PIWIL4: variants seen among roughly 807,000 people sequenced by gnomAD.
PIWIL4 encodes piwi like RNA-mediated gene silencing 4.
PIWIL4 carries 50 observed loss-of-function variants against 100.9 expected under a neutral mutation model. The ratio of observed to expected loss-of-function variants is 0.50; its 90% confidence interval spans 0.39 to 0.63. PIWIL4 has a LOEUF of 0.63. Ranked by LOEUF, PIWIL4 falls within the 20% of genes least tolerant of loss-of-function variation. The pLI is 0.00. For synonymous variants in PIWIL4, 342 were observed against 367.5 expected (o/e 0.93, Z 0.79); for missense variants, 887 against 1,043.3 (o/e 0.85, Z 2.06).
chr11:94,576,380 C>G (rs1023339746), intron 3 of PIWIL4, among the ~76,000 whole-genome samples: 2 of 152,154 alleles, frequency 1.3e-5, no homozygotes, highest in African/African-American at 4.8e-5. Flanking sequence ...GCAATCCACC[C>G]GCCTTGGCCT....
At chr11:94,610,019 C>T (rs1348558115) in intron 15 of PIWIL4, among the ~76,000 whole-genome samples, 1 of 152,118 alleles carries the variant, frequency 6.6e-6, no homozygotes, top group Non-Finnish European at 1.5e-5. Context: ...TTGTACCCTT[C>T]AAACAACATC....
In PIWIL4 at chr11:94,585,372, G is replaced by GT. The variant is rs1236076297; in HGVS notation, c.636-72dup. ...CTATATATTTTTAACATTATGTTCA[G>GT]TAAGGGTTTGAACTTAGAATTACAC... On this transcript the variant is annotated intron_variant, in intron 5 of 19. Coordinates refer to ENST00000299001, the MANE Select transcript of PIWIL4 (RefSeq NM_152431.3). 3.9e-6 allele frequency: 4 copies of GT among 1,032,840 alleles called. No individual in the cohort carries two copies. The African/African-American group carries it at 6.5e-5, about 17-fold the overall frequency. 64.0% of individuals were successfully genotyped at this position (1,032,840 alleles called of 1,614,324 possible).
chr11:94,594,476 GGA>G (rs1948529578), intron 9 of PIWIL4, among the ~76,000 whole-genome samples: 1 of 144,578 alleles, frequency 6.9e-6, no homozygotes. Flanking sequence ...CAAAAAAAAA[GGA>G]AAAGAAAGAA....
At chr11:94,571,780 T>C (rs370601986) in intron 2 of PIWIL4, among the ~76,000 whole-genome samples, 115 of 152,356 alleles carry the variant, frequency 7.5e-4, no homozygotes, top group African/African-American at 2.7e-3. Flanking sequence ...GCATGACTTA[T>C]AATCTTTTGG....
chr11:94,581,427 TG>T (rs1948316063), intron 4 of PIWIL4, among the ~76,000 whole-genome samples: 1 of 152,160 alleles, frequency 6.6e-6, no homozygotes, highest in Non-Finnish European at 1.5e-5. Flanking sequence ...CATGCAATGA[TG>T]GGAAGTGAGG....
chr11:94,575,190 A>T lies in PIWIL4; in HGVS notation c.298+60A>T, dbSNP rs932587591. On this transcript the variant is annotated intron_variant, in intron 3 of 19. Coordinates refer to ENST00000299001, the MANE Select transcript of PIWIL4 (RefSeq NM_152431.3). ...TACCAAATCTTGCTTAAGGACTTCC[A>T]AATTCTAGGTCTAAAATAAATAAGT... 7.8e-6 allele frequency: 11 copies of T among 1,410,826 alleles called. No individual in the cohort carries two copies. The African/African-American group carries it at 1.6e-4, about 20-fold the overall frequency. The allele number at this position is 1,410,826 out of a possible 1,614,324, so 87.4% of individuals were successfully genotyped here. A position where few individuals can be genotyped will look rare whatever the true frequency, so the allele number is the denominator to read the frequency against.
At chr11:94,575,491 C>T (rs1027212232) in intron 3 of PIWIL4, among the ~76,000 whole-genome samples, 1 of 152,138 alleles carries the variant, frequency 6.6e-6, no homozygotes. Flanking sequence ...TACCCAGATT[C>T]CAGGCTCACC....
chr11:94,597,995 G>C, intron 11 of PIWIL4, 80 bp downstream of exon 11: 1 of 1,060,574 alleles, frequency 9.4e-7, no homozygotes, highest in South Asian at 1.4e-5. Context: ...AGAGTGGCTT[G>C]TGTGCTTATA....
At chr11:94,608,555 T>C (rs1948750763) in intron 14 of PIWIL4, 28 bp from the exon 15 acceptor site, 1 of 1,593,416 alleles carries the variant, frequency 6.3e-7, no homozygotes, top group East Asian at 2.2e-5. Flanking sequence ...CCTCATCCCA[T>C]TAAATCATGA....
chr11:94,578,146 C>T (rs767027781), intron 4 of PIWIL4, among the ~76,000 whole-genome samples: 1 of 152,150 alleles, frequency 6.6e-6, no homozygotes, highest in Non-Finnish European at 1.5e-5. Flanking sequence ...ACCACTTCCA[C>T]CTCTCGGTAG....
chr11:94,602,271 G>A (rs950136599), intron 12 of PIWIL4, among the ~76,000 whole-genome samples: 1 of 152,042 alleles, frequency 6.6e-6, no homozygotes, highest in African/African-American at 2.4e-5. Context: ...TCCATATATT[G>A]TCTTCTCAAC....
intron 10 of PIWIL4, 127 bp downstream of exon 10, chr11:94,595,553 T>C (rs1948546021): frequency 1.3e-6 from 1 of 788,246 alleles, no homozygotes. Context: ...AGCTTTTGAA[T>C]TGTGCTGTCC....
In PIWIL4 at chr11:94,608,356, G is replaced by A. The variant is rs1014210771; in HGVS notation, c.1840-227G>A. 16 of 436,998 alleles carry A rather than the reference G, an allele frequency of 3.7e-5. No individual in the cohort carries two copies. The East Asian group carries it at 4.7e-4, about 13-fold the overall frequency. 27.1% of individuals were successfully genotyped at this position (436,998 alleles called of 1,614,324 possible). A position where few individuals can be genotyped will look rare whatever the true frequency, so the allele number is the denominator to read the frequency against. ...ACAAAGGATGATGGTTATCTTGGAC[G>A]GTAGTGTTTCTCTTAAGATAAGTGT... On this transcript the variant is annotated intron_variant, in intron 14 of 19. Coordinates refer to ENST00000299001, the MANE Select transcript of PIWIL4 (RefSeq NM_152431.3).
intron 6 of PIWIL4, among the ~76,000 whole-genome samples, chr11:94,586,107 G>A (rs1391836446): frequency 6.6e-6 from 1 of 151,924 alleles, no homozygotes; most frequent in African/African-American, 2.4e-5. Context: ...ATAAAAGATA[G>A]AAAATGGGAG....
chr11:94,616,604 T>C (rs746563476), intron 16 of PIWIL4, 41 bp downstream of exon 16: 6 of 1,484,100 alleles, frequency 4.0e-6, no homozygotes, highest in Non-Finnish European at 5.6e-6. Flanking sequence ...CCAAGGACTG[T>C]TCCTTCAGAC....
At chr11:94,604,759 T>G (rs1948693353) in intron 13 of PIWIL4, among the ~76,000 whole-genome samples, 1 of 152,222 alleles carries the variant, frequency 6.6e-6, no homozygotes, top group Admixed American at 6.5e-5. Context: ...CCATCTACCC[T>G]TCTTACCTCC....
chr11:94,618,252 T>C, intron 17 of PIWIL4, 145 bp downstream of exon 17: 2 of 780,380 alleles, frequency 2.6e-6, no homozygotes, highest in Non-Finnish European at 3.8e-6. Flanking sequence ...TAGAGCTCTA[T>C]CATTTCCTTC....
intron 6 of PIWIL4, among the ~76,000 whole-genome samples, 161 bp from the exon 7 acceptor site, chr11:94,586,887 GAA>G (rs1309278883): frequency 6.6e-6 from 1 of 151,940 alleles, no homozygotes; most frequent in African/African-American, 2.4e-5. Flanking sequence ...CACTGCAGCT[GAA>G]AAAAAGTTTT....
At chr11:94,579,483 A>G (rs900340432) in intron 4 of PIWIL4, among the ~76,000 whole-genome samples, 1 of 143,386 alleles carries the variant, frequency 7.0e-6, no homozygotes, top group Non-Finnish European at 1.5e-5. Flanking sequence ...TTATGCTTCT[A>G]TCCCTTAGAA....
Sources: allele counts gnomAD v4.1 joint callset (sites outside exome capture counted in the v4.1 genomes callset), GRCh38; gene constraint gnomAD v4.1.1; transcripts MANE v1.5; gene names NCBI Gene and HGNC (gene_info 2026-07-23, HGNC 2026-07-21).